The following LRMDA variants were observed in gnomAD, a reference collection of about 807,000 sequenced individuals.
The protein encoded by LRMDA is leucine-rich melanocyte differentiation-associated protein.
In LRMDA, 18 loss-of-function variants were observed where a neutral mutation model predicts 29.8. The observed-to-expected ratio is 0.60, with a 90% CI of 0.42 to 0.90. The LOEUF (loss-of-function observed/expected upper bound fraction) is 0.90. Ranked by LOEUF, LRMDA falls within the 40% of genes least tolerant of loss-of-function variation. The pLI, the probability that LRMDA is intolerant of heterozygous loss-of-function variation, is 0.00. For synonymous variants in LRMDA, 125 were observed against 109.4 expected, an observed-to-expected ratio of 1.14 and a Z score of -0.89; for missense variants, 273 against 273.9, an observed-to-expected ratio of 1.00 and a Z score of 0.02.
At chr10:75,511,418 G>A (rs1286766173) in intron 2 of LRMDA, among the ~76,000 whole-genome samples, 1 of 152,192 alleles carries the variant, frequency 6.6e-6, no homozygotes, top group Non-Finnish European at 1.5e-5. Context: ...TCAACATACT[G>A]TGGGACTGTG....
intron 2 of LRMDA, among the ~76,000 whole-genome samples, chr10:75,898,014 C>T (rs186396412): frequency 8.6e-5 from 13 of 151,832 alleles, no homozygotes; most frequent in Middle Eastern, 6.8e-3. Flanking sequence ...TTAGTAGAGA[C>T]GGGGTTTCAC....
intron 6 of LRMDA, among the ~76,000 whole-genome samples, chr10:76,515,833 G>A (rs560409572): frequency 6.6e-6 from 1 of 152,258 alleles, no homozygotes; most frequent in Admixed American, 6.5e-5. Context: ...CTTATTTCTA[G>A]ATAAATAATT....
intron 2 of LRMDA, among the ~76,000 whole-genome samples, chr10:75,602,971 T>G (rs975277460): frequency 6.6e-6 from 1 of 152,192 alleles, no homozygotes; most frequent in Non-Finnish European, 1.5e-5. Context: ...CAGGCTTTGA[T>G]TGCTTCATAA....
intron 6 of LRMDA, among the ~76,000 whole-genome samples, chr10:76,344,126 G>A (rs1215701237): frequency 6.6e-6 from 1 of 152,008 alleles, no homozygotes; most frequent in Non-Finnish European, 1.5e-5. Flanking sequence ...CTGGCCAGGT[G>A]ATTTTTGCAC....
At chr10:76,213,124 T>G (rs1375613783) in intron 5 of LRMDA, among the ~76,000 whole-genome samples, 1 of 152,224 alleles carries the variant, frequency 6.6e-6, no homozygotes, top group African/African-American at 2.4e-5. Flanking sequence ...TCACTTGAAG[T>G]CTTTAGTTAC....
At chr10:75,882,954 T>G (rs1225038518) in intron 2 of LRMDA, among the ~76,000 whole-genome samples, 2 of 152,192 alleles carry the variant, frequency 1.3e-5, no homozygotes, top group Non-Finnish European at 2.9e-5. Flanking sequence ...AAGGCCGCAC[T>G]TTCATTAAGC....
At chr10:76,025,834 T>G (rs1564633113) in intron 2 of LRMDA, among the ~76,000 whole-genome samples, 1 of 152,230 alleles carries the variant, frequency 6.6e-6, no homozygotes, top group Non-Finnish European at 1.5e-5. Context: ...ATCATCCCAA[T>G]CTATTACCCT....
At chr10:75,969,496 T>C (rs553194569) in intron 2 of LRMDA, among the ~76,000 whole-genome samples, 75 of 152,372 alleles carry the variant, frequency 4.9e-4, no homozygotes, top group Non-Finnish European at 7.6e-4. Context: ...CCTGATGTGA[T>C]GGGCATACTG....
chr10:76,283,989 GA>G (rs1840239263), intron 5 of LRMDA, among the ~76,000 whole-genome samples: 1 of 152,126 alleles, frequency 6.6e-6, no homozygotes, highest in South Asian at 2.1e-4. Flanking sequence ...CTGTTAGACA[GA>G]GAATATGAAT....
intron 2 of LRMDA, among the ~76,000 whole-genome samples, chr10:75,639,353 G>A (rs1327303524): frequency 6.6e-6 from 1 of 152,192 alleles, no homozygotes; most frequent in African/African-American, 2.4e-5. Context: ...ACAAGTGTAA[G>A]CAGAGGCAGG....
Position 76,314,232 on chromosome 10 carries a change from C to A in LRMDA, c.517-10169C>A, listed in dbSNP as rs533996294. Among the ~76,000 whole-genome samples, 85 of 152,222 alleles carry A rather than the reference C, an allele frequency of 5.6e-4. 1 individual carries two copies. The highest frequency in any genetic ancestry group is 2.0e-3 in the African/African-American group (83 of 41,552). On this transcript the variant is annotated intron_variant, in intron 5 of 6. Transcript: ENST00000611255. ...CTACCATTAGGCTACGACACAACATCCTTTTTTTGTTGTTGTTTTTAAGAA... is the reference window on the plus strand; with the variant it reads ...CTACCATTAGGCTACGACACAACATACTTTTTTTGTTGTTGTTTTTAAGAA...
chr10:76,488,378 G>A (rs749831941), intron 6 of LRMDA, among the ~76,000 whole-genome samples: 38 of 151,632 alleles, frequency 2.5e-4, no homozygotes, highest in Non-Finnish European at 4.6e-4. Context: ...GACTTATCTT[G>A]TTATAGATTA....
At chr10:75,900,541 G>A (rs1361285254) in intron 2 of LRMDA, among the ~76,000 whole-genome samples, 5 of 152,194 alleles carry the variant, frequency 3.3e-5, no homozygotes, top group Admixed American at 3.3e-4. Flanking sequence ...TTGGGGGAGG[G>A]GAAGGCAAGG....
intron 5 of LRMDA, among the ~76,000 whole-genome samples, chr10:76,061,071 T>C (rs1279692763): frequency 6.6e-6 from 1 of 152,128 alleles, no homozygotes; most frequent in African/African-American, 2.4e-5. Flanking sequence ...CACATACATG[T>C]GGATATTCCC....
At chr10:76,482,109 C>T (rs1842738413) in intron 6 of LRMDA, among the ~76,000 whole-genome samples, 1 of 151,934 alleles carries the variant, frequency 6.6e-6, no homozygotes, top group Non-Finnish European at 1.5e-5. Context: ...ACATGATAAT[C>T]TTATCCAGTT....
intron 2 of LRMDA, among the ~76,000 whole-genome samples, chr10:75,582,211 T>G (rs1216578765): frequency 2.0e-5 from 3 of 152,216 alleles, no homozygotes; most frequent in Non-Finnish European, 2.9e-5. Flanking sequence ...GGACTCTGTG[T>G]GGGGGCTCCA....
At chr10:76,396,958 C>T (rs975072359) in intron 6 of LRMDA, among the ~76,000 whole-genome samples, 2 of 152,170 alleles carry the variant, frequency 1.3e-5, no homozygotes, top group African/African-American at 2.4e-5. Context: ...CGCCACGCAA[C>T]TCTACTCACC....
chr10:75,951,115 C>T (rs969073176), intron 2 of LRMDA, among the ~76,000 whole-genome samples: 1 of 152,186 alleles, frequency 6.6e-6, no homozygotes, highest in African/African-American at 2.4e-5. Flanking sequence ...TGTAACTGTC[C>T]TGCCATCCCT....
chr10:75,578,204 C>T (rs1217365503), intron 2 of LRMDA, among the ~76,000 whole-genome samples: 1 of 10,072 alleles, frequency 9.9e-5, no homozygotes, highest in Non-Finnish European at 2.7e-4. Context: ...ATTTACCAAG[C>T]AAATGGAAAG....
Sources: allele counts gnomAD v4.1 joint callset (sites outside exome capture counted in the v4.1 genomes callset), GRCh38; gene constraint gnomAD v4.1.1; transcripts MANE v1.5; gene names NCBI Gene and HGNC (gene_info 2026-07-23, HGNC 2026-07-21).